The following NDUFA10 variants were observed in gnomAD, a reference collection of about 807,000 sequenced individuals.
NDUFA10 encodes NADH dehydrogenase [ubiquinone] 1 alpha subcomplex subunit 10, mitochondrial.
NDUFA10 carries 40 observed loss-of-function variants against 47.8 expected under a neutral mutation model. The ratio of observed to expected loss-of-function variants is 0.84; its 90% CI spans 0.65 to 1.09. NDUFA10 has a LOEUF of 1.09. Ranked by LOEUF, NDUFA10 falls within the 50% of genes least tolerant of loss-of-function variation. The pLI is 0.00. For synonymous variants in NDUFA10, 183 were observed against 172.2 expected, an observed-to-expected ratio of 1.06 and a Z score of -0.49; for missense variants, 413 against 451.1, an observed-to-expected ratio of 0.92 and a Z score of 0.76.
At chr2:239,954,006 G>A (rs1174127928), downstream of NDUFA10, among the ~76,000 whole-genome samples, 1 of 152,126 alleles carries the variant, frequency 6.6e-6, no homozygotes, top group Non-Finnish European at 1.5e-5. Flanking sequence ...CCCCTGCCGG[G>A]ACCGCTGAGT....
chr2:240,018,694 T>C, intron 3 of NDUFA10, 55 bp from the exon 4 acceptor site: 1 of 1,544,776 alleles, frequency 6.5e-7, no homozygotes, highest in Non-Finnish European at 8.9e-7. Flanking sequence ...CAAAGCACTG[T>C]CAACTGATCA....
downstream of NDUFA10, among the ~76,000 whole-genome samples, chr2:239,953,717 G>A (rs938991612): frequency 2.6e-5 from 4 of 152,184 alleles, no homozygotes; most frequent in Non-Finnish European, 5.9e-5. Context: ...GTAGCGGCTT[G>A]CCCCAACCAC....
chr2:239,973,567 A>G (rs1411297409), intron 9 of NDUFA10: 1 of 469,222 alleles, frequency 2.1e-6, no homozygotes, highest in Non-Finnish European at 4.4e-6. Flanking sequence ...AGCTTCAAGG[A>G]GGGAACGATC....
chr2:239,947,795 G>A (rs763043513), intron 4 of NDUFA10, among the ~76,000 whole-genome samples: 6 of 152,234 alleles, frequency 3.9e-5, no homozygotes, highest in Admixed American at 6.5e-5. Context: ...ACGGGGTGGT[G>A]CCTCAACACG....
intron 3 of NDUFA10, 44 bp from the exon 4 acceptor site, chr2:240,018,683 G>A: frequency 4.4e-6 from 7 of 1,585,924 alleles, no homozygotes; most frequent in Non-Finnish European, 6.1e-6. Flanking sequence ...CAGACAGATA[G>A]CAAAGCACTG....
intron 9 of NDUFA10, among the ~76,000 whole-genome samples, chr2:239,989,379 C>T (rs1474822056): frequency 6.6e-6 from 1 of 152,234 alleles, no homozygotes; most frequent in Non-Finnish European, 1.5e-5. Context: ...ATGTTGAAGG[C>T]ATAGCTTGGA....
chr2:239,948,509 G>A (rs920941512), intron 4 of NDUFA10, among the ~76,000 whole-genome samples: 2 of 152,268 alleles, frequency 1.3e-5, no homozygotes, highest in African/African-American at 4.8e-5. Flanking sequence ...TTTTGCAGCT[G>A]TAAGTGGAGT....
At chr2:239,918,509 A>G (rs966672062) in intron 4 of NDUFA10, among the ~76,000 whole-genome samples, 1 of 152,210 alleles carries the variant, frequency 6.6e-6, no homozygotes, top group Non-Finnish European at 1.5e-5. Context: ...ACCCTGACAC[A>G]GAGGCCAGGG....
At position 240,007,346 on chromosome 2, in the gene NDUFA10, A is replaced by G; in HGVS notation, c.774T>C (p.Tyr258=). The stretch of plus-strand genomic sequence containing the variant: ...TTGAATCTTGAGCTTCCCTTGCAGA[A>G]TATTGTAAAACCTCACATTTTTCAC... ...EMSEKCEVLQ[Y]SAREAQDSKK... Residue 258 remains tyrosine (Y), a synonymous_variant, in exon 7 of 10, where the codon TAT becomes TAC. Transcript: ENST00000252711. The G allele has an allele frequency of 6.3e-7, 1 of 1,597,440 alleles. No homozygotes were observed. The highest frequency in any genetic ancestry group is 8.6e-7 in the Non-Finnish European group (1 of 1,164,720).
chr2:240,006,351 C>T (rs1696947871), intron 7 of NDUFA10, among the ~76,000 whole-genome samples: 1 of 152,178 alleles, frequency 6.6e-6, no homozygotes, highest in Non-Finnish European at 1.5e-5. Context: ...GTAGGAGAGC[C>T]TGGGCGAGAA....
At chr2:239,941,112 G>A (rs761928197) in intron 4 of NDUFA10, among the ~76,000 whole-genome samples, 9 of 152,176 alleles carry the variant, frequency 5.9e-5, no homozygotes, top group Non-Finnish European at 8.8e-5. Flanking sequence ...ATGCACCCAC[G>A]GCAACAAGGA....
intron 4 of NDUFA10, among the ~76,000 whole-genome samples, chr2:239,912,063 C>T (rs1351170228): frequency 6.6e-6 from 1 of 152,168 alleles, no homozygotes; most frequent in Non-Finnish European, 1.5e-5. Flanking sequence ...GGAGGTACAC[C>T]CCTCGTGCCC....
chr2:239,944,918 T>TG (rs763175370), intron 4 of NDUFA10, among the ~76,000 whole-genome samples: 2 of 152,048 alleles, frequency 1.3e-5, no homozygotes, highest in East Asian at 3.9e-4. Flanking sequence ...CCACCCTAGG[T>TG]GGGGGGCACA....
chr2:239,929,694 C>T (rs1694127765), intron 4 of NDUFA10, among the ~76,000 whole-genome samples: 2 of 147,882 alleles, frequency 1.4e-5, no homozygotes, highest in South Asian at 4.4e-4. Flanking sequence ...CCCTGCTCCT[C>T]CACTGCTCTT....
At position 240,019,836 on chromosome 2, in the gene NDUFA10, A is replaced by G. The variant is rs1697543867; in HGVS notation, c.461-1197T>C. On this transcript the variant is annotated intron_variant, in intron 3 of 9. Transcript: ENST00000252711. ...TCCGTCTCAAAAAAAAAAAAAAAAA[A>G]AAAAAAAAAAAAAGAACGTGGAGTA... is the stretch of plus-strand genomic sequence containing the variant. Among the ~76,000 whole-genome samples the G allele has an allele frequency of 1.9e-4, 5 of 27,024 alleles. 2 individuals are homozygous for G. In the Admixed American group the frequency reaches 2.0e-3, roughly 11 times the overall value. 17.7% of individuals were successfully genotyped at this position (27,024 alleles called of 152,430 possible).
intron 1 of NDUFA10, among the ~76,000 whole-genome samples, chr2:240,024,328 T>C (rs151162795): frequency 7.8e-4 from 119 of 152,344 alleles, no homozygotes; most frequent in African/African-American, 2.7e-3. Flanking sequence ...TAAGTGAATC[T>C]TACATAGATA....
chr2:240,014,401 C>T, intron 5 of NDUFA10: 1 of 374,384 alleles, frequency 2.7e-6, no homozygotes, highest in Non-Finnish European at 5.1e-6. Flanking sequence ...ACAAAAACCT[C>T]ATCAGAGAAC....
intron 4 of NDUFA10, among the ~76,000 whole-genome samples, chr2:239,942,849 A>C (rs1694382334): frequency 6.6e-6 from 1 of 151,882 alleles, no homozygotes; most frequent in South Asian, 2.1e-4. Flanking sequence ...TTTCCACAAA[A>C]CCTGGCAAAG....
chr2:240,014,261 G>A, intron 5 of NDUFA10: 1 of 233,668 alleles, frequency 4.3e-6, no homozygotes, highest in South Asian at 6.2e-5. Flanking sequence ...GGATGTGTGT[G>A]GATATCACTG....
Sources: allele counts gnomAD v4.1 joint callset (sites outside exome capture counted in the v4.1 genomes callset), GRCh38; gene constraint gnomAD v4.1.1; transcripts MANE v1.5; gene names NCBI Gene and HGNC (gene_info 2026-07-23, HGNC 2026-07-21).